MAGEA1: variants seen among roughly 807,000 people sequenced by gnomAD.
The protein encoded by MAGEA1 is melanoma-associated antigen 1.
For missense variants in MAGEA1, 182 were observed against 233.7 expected (o/e 0.78, Z 1.44); for synonymous variants, 101 against 96.7 (o/e 1.04, Z -0.26).
At chrX:153,181,369 G>A (rs1232394474) in intron 1 of MAGEA1, among the ~76,000 whole-genome samples, 4 of 111,485 alleles carry the variant, frequency 3.6e-5, no homozygotes, top group Non-Finnish European at 7.6e-5. Context: ...GGAACATGAG[G>A]GAGGACTGAG....
Position 153,182,915 on chromosome X carries a change from G to C in MAGEA1, c.526G>C (p.Gly176Arg), listed in dbSNP as rs782682055. Residue 176 changes from glycine (G) to arginine (R), a missense_variant, in exon 3 of 3, where the codon GGT (glycine) becomes CGT (arginine). Physicochemically the swap from Gly to Arg is moderately radical, Grantham distance 125. Coordinates refer to ENST00000356661, the MANE Select transcript of MAGEA1 (RefSeq NM_004988.5). ...CTCCTATGTCCTTGTCACCTGCCTAGGTCTCTCCTATGATGGCCTGCTGGG... is the reference window on the plus strand; with the variant it reads ...CTCCTATGTCCTTGTCACCTGCCTACGTCTCTCCTATGATGGCCTGCTGGG... ...GHSYVLVTCLGLSYDGLLGDN... is the reference protein window; with the variant it reads ...GHSYVLVTCLRLSYDGLLGDN... 23 of 1,210,240 alleles carry C rather than the reference G, an allele frequency of 1.9e-5. No homozygotes were observed. Among genetic ancestry groups the C allele is most frequent in the Non-Finnish European group, 2.6e-5 (23 of 895,315 alleles).
At chrX:153,179,409 G>A (rs1433053474) in intron 1 of MAGEA1, 44 bp downstream of exon 1, 1 of 106,512 alleles carries the variant, frequency 9.4e-6, no homozygotes, top group Non-Finnish European at 1.9e-5. Context: ...ACTCCAAATA[G>A]AGAGCCCCAA....
At position 153,182,582 on chromosome X, in the gene MAGEA1, C is replaced by T. The variant is rs782733251; in HGVS notation, c.193C>T (p.Pro65Ser). 4 of 1,211,694 alleles carry T rather than the reference C, an allele frequency of 3.3e-6. No homozygotes were observed. The South Asian group carries it at 5.3e-5, about 16-fold the overall frequency. The change falls in exon 3 of 3, where the codon CCC becomes TCC. Residue 65 changes from proline to serine, a missense_variant. Coordinates refer to ENST00000356661, the MANE Select transcript of MAGEA1 (RefSeq NM_004988.5). ...PQSPQGASAFPTTINFTRQRQ... is the reference protein window; with the variant it reads ...PQSPQGASAFSTTINFTRQRQ... ...GAGTCCTCAGGGAGCCTCCGCCTTT[C>T]CCACTACCATCAACTTCACTCGACA... is the stretch of plus-strand genomic sequence containing the variant.
At position 153,179,308 on chromosome X, in the gene MAGEA1, G is replaced by A. The variant is rs1348099893; in HGVS notation, c.-196G>A. The A allele has an allele frequency of 9.8e-6, 1 of 101,621 alleles. No individual in the cohort carries two copies. The highest frequency in any genetic ancestry group is 2.0e-5 in the Non-Finnish European group (1 of 50,001). 8.4% of individuals were successfully genotyped at this position (101,621 alleles called of 1,213,427 possible). On this transcript the variant is annotated 5_prime_UTR_variant, in exon 1 of 3. Coordinates refer to ENST00000356661, the MANE Select transcript of MAGEA1 (RefSeq NM_004988.5). ...CAGAGAGAAGCGAGGTTTCCATTCT[G>A]AGGGACGGCGTAGAGTTCGGCCGAA...
intron 1 of MAGEA1, among the ~76,000 whole-genome samples, chrX:153,180,553 G>T (rs1322105156): frequency 9.0e-6 from 1 of 111,361 alleles, no homozygotes; most frequent in Non-Finnish European, 1.9e-5. Flanking sequence ...GCCCTACTGC[G>T]AGATGAGGGA....
At position 153,182,658 on chromosome X, in the gene MAGEA1, C is replaced by T. The variant is rs781872243; in HGVS notation, c.269C>T (p.Thr90Ile). 7 of 1,211,888 alleles carry T rather than the reference C, an allele frequency of 5.8e-6. 1 individual carries two copies. The South Asian group carries it at 1.2e-4, about 21-fold the overall frequency. Residue 90 changes from threonine (T) to isoleucine (I), a missense_variant, in exon 3 of 3, where the codon ACC becomes ATC. By Grantham distance (89) the Thr-to-Ile change is moderately conservative. Transcript: ENST00000356661. ...AGCCGTGAAGAGGAGGGGCCAAGCA[C>T]CTCTTGTATCCTGGAGTCCTTGTTC... is the stretch of plus-strand genomic sequence containing the variant. ...SSSREEEGPS[T>I]SCILESLFRA...
intron 1 of MAGEA1, among the ~76,000 whole-genome samples, chrX:153,180,929 G>A (rs782136469): frequency 6.3e-5 from 7 of 111,445 alleles, no homozygotes; most frequent in Admixed American, 1.9e-4. Context: ...GGATATCCCC[G>A]GCTCAGAAAG....
intron 1 of MAGEA1, among the ~76,000 whole-genome samples, chrX:153,181,231 T>C (rs782399397): frequency 9.2e-6 from 1 of 109,275 alleles, no homozygotes; most frequent in Non-Finnish European, 1.9e-5. Flanking sequence ...TGTGGCTTCT[T>C]TTCACTCCTG....
intron 1 of MAGEA1, among the ~76,000 whole-genome samples, chrX:153,179,653 G>C (rs2051482538): frequency 9.3e-6 from 1 of 107,849 alleles, no homozygotes; most frequent in South Asian, 4.1e-4. Context: ...GGGCCCCCAA[G>C]ACTGCACTCC....
Position 153,182,648 on chromosome X carries a change from G to A in MAGEA1, c.259G>A (p.Gly87Arg), listed in dbSNP as rs1556944118. The A allele has an allele frequency of 8.3e-7, 1 of 1,211,919 alleles. No individual in the cohort carries two copies. The change falls in exon 3 of 3, where the codon GGG becomes AGG. Residue 87 changes from glycine (G) to arginine (R), a missense_variant. Physicochemically the swap from Gly to Arg is moderately radical, Grantham distance 125 (BLOSUM62 -2). Coordinates refer to ENST00000356661, the MANE Select transcript of MAGEA1 (RefSeq NM_004988.5). The part of the protein sequence containing the change: ...SEGSSSREEE[G>R]PSTSCILESL... The stretch of plus-strand genomic sequence containing the variant: ...GGGTTCCAGCAGCCGTGAAGAGGAG[G>A]GGCCAAGCACCTCTTGTATCCTGGA...
In MAGEA1 at chrX:153,182,056, C is replaced by A. The variant is rs782419641; in HGVS notation, c.-138-121C>A. 157 of 315,795 alleles carry A rather than the reference C, an allele frequency of 5.0e-4. 2 individuals are homozygous for A. The East Asian group carries it at 0.011, about 22-fold the overall frequency. The allele number at this position is 315,795 out of a possible 1,213,427, so 26.0% of individuals were successfully genotyped here. On this transcript the variant is annotated intron_variant, in intron 1 of 2. Coordinates refer to ENST00000356661, the MANE Select transcript of MAGEA1 (RefSeq NM_004988.5). ...TGCCCTGAATGCACACCAAGGGCCC[C>A]ACCTGCCACAGGACACATAGGACTC...
intron 1 of MAGEA1, among the ~76,000 whole-genome samples, chrX:153,180,711 G>A (rs782660473): frequency 8.9e-6 from 1 of 111,935 alleles, no homozygotes; most frequent in African/African-American, 3.2e-5. Flanking sequence ...AGGAAGAGGA[G>A]GGAGGACTCA....
intron 1 of MAGEA1, among the ~76,000 whole-genome samples, chrX:153,180,470 G>A (rs1228953899): frequency 9.0e-6 from 1 of 111,458 alleles, no homozygotes; most frequent in African/African-American, 3.3e-5. Flanking sequence ...CCAGGCACTC[G>A]GATCTTGACG....
In MAGEA1 at chrX:153,183,166, C is replaced by T. The variant is rs137894572; in HGVS notation, c.777C>T (p.Pro259=). 2.2e-5 allele frequency: 27 copies of T among 1,210,841 alleles called. 1 individual carries two copies. Among genetic ancestry groups the T allele is most frequent in the Admixed American group, 6.5e-5 (3 of 45,956 alleles). ...LEYRQVPDSD[P]ARYEFLWGPR... ...ACCGGCAGGTGCCGGACAGTGATCC[C>T]GCACGCTATGAGTTCCTGTGGGGTC... The change falls in exon 3 of 3, where the codon CCC becomes CCT. Residue 259 remains proline (P), a synonymous_variant. Transcript: ENST00000356661.
In MAGEA1 at chrX:153,182,661, C is replaced by G; in HGVS notation, c.272C>G (p.Ser91Cys). 6 of 1,212,083 alleles carry G rather than the reference C, an allele frequency of 5.0e-6. No individual in the cohort carries two copies. Among genetic ancestry groups the G allele is most frequent in the Non-Finnish European group, 6.7e-6 (6 of 895,580 alleles). ...SSREEEGPST[S>C]CILESLFRAV... The stretch of plus-strand genomic sequence containing the variant: ...CGTGAAGAGGAGGGGCCAAGCACCT[C>G]TTGTATCCTGGAGTCCTTGTTCCGA... The change falls in exon 3 of 3, where the codon TCT (serine) becomes TGT (cysteine). Residue 91 changes from serine to cysteine, a missense_variant. By Grantham distance (112) the Ser-to-Cys change is moderately radical. Transcript: ENST00000356661.
Position 153,182,793 on chromosome X carries a change from A to C in MAGEA1, c.404A>C (p.Asn135Thr). Residue 135 changes from asparagine to threonine, a missense_variant, in exon 3 of 3, where the codon AAT (asparagine) becomes ACT (threonine). Transcript: ENST00000356661. The stretch of plus-strand genomic sequence containing the variant: ...GAAATGCTGGAGAGTGTCATCAAAA[A>C]TTACAAGCACTGTTTTCCTGAGATC... ...KAEMLESVIK[N>T]YKHCFPEIFG... 3.3e-6 allele frequency: 4 copies of C among 1,211,977 alleles called. No individual in the cohort carries two copies. The highest frequency in any genetic ancestry group is 4.5e-6 in the Non-Finnish European group (4 of 895,580).
In MAGEA1 at chrX:153,183,399, C is replaced by A; in HGVS notation, c.*80C>A. 1.0e-6 allele frequency: 1 copy of A among 972,303 alleles called. No individual in the cohort carries two copies. The highest frequency in any genetic ancestry group is 1.4e-6 in the Non-Finnish European group (1 of 697,846). The allele number at this position is 972,303 out of a possible 1,213,427, so 80.1% of individuals were successfully genotyped here. A position where few individuals can be genotyped will look rare whatever the true frequency, so the allele number is the denominator to read the frequency against. On this transcript the variant is annotated 3_prime_UTR_variant, in exon 3 of 3. Coordinates refer to ENST00000356661, the MANE Select transcript of MAGEA1 (RefSeq NM_004988.5). ...GGGCCGCGTCCAGCAGCTTCCCCTG[C>A]CTCGTGTGACATGAGGCCCATTCTT...
chrX:153,181,539 G>A (rs187235653), intron 1 of MAGEA1, among the ~76,000 whole-genome samples: 39 of 110,210 alleles, frequency 3.5e-4, no homozygotes, highest in Non-Finnish European at 6.7e-4. Context: ...AGAAGGCTGC[G>A]CTCAGGTCAG....
At chrX:153,181,627 A>G (rs782027506) in intron 1 of MAGEA1, among the ~76,000 whole-genome samples, 129 of 111,518 alleles carry the variant, frequency 1.2e-3, no homozygotes, top group African/African-American at 4.1e-3. Flanking sequence ...CATTAATTCC[A>G]ATGAATTTTG....
Sources: gnomAD v4.1 joint callset for allele counts (sites outside exome capture counted in the v4.1 genomes callset) on GRCh38, gnomAD v4.1.1 for gene constraint, MANE v1.5 for transcripts, NCBI Gene and HGNC (gene_info 2026-07-23, HGNC 2026-07-21) for gene names.